Variants in MICAL3 observed in about 807,000 individuals in gnomAD.
The protein encoded by MICAL3 is [F-actin]-monooxygenase MICAL3.
Under a neutral mutation model 207.4 loss-of-function variants are expected in MICAL3, and 62 were observed. The observed-to-expected ratio is 0.30, with a 90% CI of 0.24 to 0.37. MICAL3 has a LOEUF of 0.37. MICAL3 is among the 10% of genes least tolerant of loss of function. The probability of loss-of-function intolerance (pLI) is 1.00; values close to 1 mark genes in which losing one functional copy is unlikely to be tolerated. For missense variants in MICAL3, 2,368 were observed against 2,635.6 expected, an observed-to-expected ratio of 0.90 and a Z score of 2.22; for synonymous variants, 1,077 against 1,069.3, an observed-to-expected ratio of 1.01 and a Z score of -0.14.
intron 16 of MICAL3, chr22:17,879,249 G>C (rs2146203846): frequency 1.9e-6 from 2 of 1,032,778 alleles, no homozygotes; most frequent in Non-Finnish European, 2.8e-6. Context: ...AAGGGGAGGG[G>C]GCCGTCCCCC....
At chr22:17,865,780 G>A (rs533645454) in intron 18 of MICAL3, 144 bp downstream of exon 18, 204 of 684,282 alleles carry the variant, frequency 3.0e-4, no homozygotes, top group Non-Finnish European at 4.1e-4. Flanking sequence ...TCTCCACCCC[G>A]GACTGCCACT....
intron 27 of MICAL3, among the ~76,000 whole-genome samples, chr22:17,811,807 C>T (rs1040069980): frequency 1.3e-5 from 2 of 152,328 alleles, no homozygotes; most frequent in East Asian, 1.9e-4. Context: ...GGCAGTGATA[C>T]GATCATGGCT....
At chr22:18,000,465 G>A (rs1436904839) in intron 1 of MICAL3, among the ~76,000 whole-genome samples, 1 of 152,232 alleles carries the variant, frequency 6.6e-6, no homozygotes, top group African/African-American at 2.4e-5. Flanking sequence ...GCGGCACAGA[G>A]GCCTTGCCTG....
At chr22:18,023,136 G>A (rs1290646165) in intron 1 of MICAL3, among the ~76,000 whole-genome samples, 1 of 151,902 alleles carries the variant, frequency 6.6e-6, no homozygotes, top group Admixed American at 6.6e-5. Flanking sequence ...CACCCTGATT[G>A]ATTAGAATGG....
At chr22:17,831,744 G>A (rs1426629260) in intron 21 of MICAL3, 110 bp downstream of exon 21, 2 of 1,476,840 alleles carry the variant, frequency 1.4e-6, no homozygotes, top group South Asian at 1.4e-5. Flanking sequence ...CCTGGGCTGT[G>A]CAGGAGGCAC....
intron 1 of MICAL3, chr22:18,007,379 T>C (rs1923455924): frequency 6.6e-6 from 1 of 152,164 alleles, no homozygotes; most frequent in African/African-American, 2.4e-5. Context: ...CTTTTCTACT[T>C]AATAGGCTAG....
At chr22:17,804,015 G>GC (rs1470041679) in intron 29 of MICAL3, among the ~76,000 whole-genome samples, 1 of 152,222 alleles carries the variant, frequency 6.6e-6, no homozygotes, top group East Asian at 1.9e-4. Flanking sequence ...TGGAAGGCAT[G>GC]CGTGCCTAAG....
intron 19 of MICAL3, among the ~76,000 whole-genome samples, chr22:17,856,805 T>C (rs1925963329): frequency 6.6e-6 from 1 of 151,836 alleles, no homozygotes; most frequent in African/African-American, 2.4e-5. Context: ...GTATTTTTAG[T>C]AGAGACGGGG....
chr22:17,834,473 T>G, intron 20 of MICAL3: 1 of 1,276,142 alleles, frequency 7.8e-7, no homozygotes, highest in South Asian at 1.3e-5. Context: ...CCCAGCACTG[T>G]GGGAGGCTGA....
rs996342024 is a variant in MICAL3 at position 17,902,859 on chromosome 22, C to T, written c.473-112G>A. 1 of 646,502 alleles carries T rather than the reference C, an allele frequency of 1.5e-6. No individual in the cohort carries two copies. The highest frequency in any genetic ancestry group is 2.8e-5 in the East Asian group (1 of 35,536). 40.0% of individuals were successfully genotyped at this position (646,502 alleles called of 1,614,324 possible). ...CCTACGCCCCCTTCATTCAGATTCC[C>T]AAAGCCTGCTGTAGCAGGAGACCTT... is the stretch of plus-strand genomic sequence containing the variant. On this transcript the variant is annotated intron_variant, in intron 3 of 31. Coordinates refer to ENST00000441493, the MANE Select transcript of MICAL3 (RefSeq NM_015241.3). This position sits in a 1 kb window ranked among gnomAD's most constrained non-coding sequence, Gnocchi z 4.5.
Position 17,832,115 on chromosome 22 carries a change from G to A in MICAL3, c.2802-8C>T. ...ATCTCAGACTCGGAACTACTGTGAG[G>A]AAATAACCACATAGCCAGAGTGAGG... On this transcript the variant is annotated splice_region_variant and splice_polypyrimidine_tract_variant and intron_variant, in intron 20 of 31. Coordinates refer to ENST00000441493, the MANE Select transcript of MICAL3 (RefSeq NM_015241.3). 1 of 1,562,508 alleles carries A rather than the reference G, an allele frequency of 6.4e-7. No homozygotes were observed. Among genetic ancestry groups the A allele is most frequent in the South Asian group, 1.2e-5 (1 of 84,842 alleles).
chr22:17,944,730 G>A (rs949681088), intron 1 of MICAL3, among the ~76,000 whole-genome samples: 2 of 152,108 alleles, frequency 1.3e-5, no homozygotes, highest in African/African-American at 2.4e-5. Flanking sequence ...GGGAGAAACC[G>A]CATTTTTAAC....
At chr22:17,968,687 A>G (rs1341797612) in intron 1 of MICAL3, among the ~76,000 whole-genome samples, 1 of 152,162 alleles carries the variant, frequency 6.6e-6, no homozygotes, top group Non-Finnish European at 1.5e-5. Flanking sequence ...CCGCTGAAAG[A>G]AAGGCCGGTT....
At chr22:17,910,695 T>C (rs1375105096) in intron 1 of MICAL3, among the ~76,000 whole-genome samples, 2 of 152,122 alleles carry the variant, frequency 1.3e-5, no homozygotes, top group Admixed American at 6.5e-5. Flanking sequence ...TCCTCCAGAG[T>C]GTGACAGCAT....
intron 29 of MICAL3, among the ~76,000 whole-genome samples, chr22:17,805,567 G>A (rs1369058136): frequency 6.6e-6 from 1 of 152,228 alleles, no homozygotes; most frequent in East Asian, 1.9e-4. Flanking sequence ...ATCTGCTGAA[G>A]ACTCATCTAA....
At chr22:17,850,665 G>C (rs887799645) in intron 19 of MICAL3, among the ~76,000 whole-genome samples, 1 of 151,932 alleles carries the variant, frequency 6.6e-6, no homozygotes, top group Non-Finnish European at 1.5e-5. Flanking sequence ...ATCTGCCTTG[G>C]CCTCTCAAAG....
intron 1 of MICAL3, among the ~76,000 whole-genome samples, chr22:17,990,729 C>T (rs1921586524): frequency 6.6e-6 from 1 of 152,172 alleles, no homozygotes; most frequent in Non-Finnish European, 1.5e-5. Context: ...CTCACTGCGC[C>T]TCATCTTTCA....
intron 16 of MICAL3, chr22:17,872,813 A>G: frequency 6.2e-7 from 1 of 1,613,754 alleles, no homozygotes; most frequent in Non-Finnish European, 8.5e-7. Flanking sequence ...CTATCTGCTC[A>G]GCCAATGAGC....
Position 17,896,857 on chromosome 22 carries a change from A to G in MICAL3, c.1073T>C (p.Ile358Thr). ...CACATCGGGCTGCCCATAGTGATTG[A>G]TGGCAAAATCCAGAGACGGCAGCTG... ...QQQLPSLDFAINHYGQPDVAM... is the reference protein window; with the variant it reads ...QQQLPSLDFATNHYGQPDVAM... The change falls in exon 8 of 32, where the codon ATC becomes ACC. Residue 358 changes from isoleucine to threonine, a missense_variant. Ile to Thr is a moderately conservative substitution (Grantham distance 89). Coordinates refer to ENST00000441493, the MANE Select transcript of MICAL3 (RefSeq NM_015241.3). 6.2e-7 allele frequency: 1 copy of G among 1,614,186 alleles called. No individual in the cohort carries two copies. The highest frequency in any genetic ancestry group is 8.5e-7 in the Non-Finnish European group (1 of 1,180,032).
Sources: gnomAD v4.1 joint callset for allele counts (sites outside exome capture counted in the v4.1 genomes callset) on GRCh38, gnomAD v4.1.1 for gene constraint, Gnocchi (gnomAD v3.1) non-coding constraint, MANE v1.5 for transcripts, NCBI Gene and HGNC (gene_info 2026-07-23, HGNC 2026-07-21) for gene names.